Variants in IRAK3 observed in about 807,000 individuals in gnomAD.
IRAK3 encodes interleukin-1 receptor-associated kinase 3.
Under a neutral mutation model 56.6 loss-of-function variants are expected in IRAK3, and 57 were observed. The ratio of observed to expected loss-of-function variants is 1.01; its 90% CI spans 0.81 to 1.26. The LOEUF is 1.26. IRAK3 is among the 50% of genes most tolerant of loss of function. IRAK3 has a pLI of 0.00. For missense variants in IRAK3, 703 were observed against 719.0 expected, an observed-to-expected ratio of 0.98 and a Z score of 0.25; for synonymous variants, 258 against 255.7, an observed-to-expected ratio of 1.01 and a Z score of -0.09.
At chr12:66,194,040 C>T (rs1347707494) in intron 1 of IRAK3, among the ~76,000 whole-genome samples, 2 of 152,142 alleles carry the variant, frequency 1.3e-5, no homozygotes, top group Admixed American at 6.5e-5. Flanking sequence ...TGATCCTTCC[C>T]ACCTCAGACT....
chr12:66,244,686 T>C lies in IRAK3; in HGVS notation c.1086+2T>C, dbSNP rs755980139. On this transcript the variant is annotated splice_donor_variant, in intron 9 of 11. Coordinates refer to ENST00000261233, the MANE Select transcript of IRAK3 (RefSeq NM_007199.3). LOFTEE classifies it high-confidence loss of function. ...ACAGATGTCTACAGCTTTGGAATTG[T>C]GAGTACCAACTGCCAGTTAACAAAG... is the stretch of plus-strand genomic sequence containing the variant. 6.2e-7 allele frequency: 1 copy of C among 1,610,166 alleles called. No homozygotes were observed. Among genetic ancestry groups the C allele is most frequent in the South Asian group, 1.1e-5 (1 of 90,996 alleles).
chr12:66,215,790 A>ACGTGCGCGCGCGCGCGCGCGCGCGCG lies in IRAK3; in HGVS notation c.589-1380_589-1379insGTGCGCGCGCGCGCGCGCGCGCGCGC, dbSNP rs1225435769. On this transcript the variant is annotated intron_variant, in intron 5 of 11. Transcript: ENST00000261233. ...CCCCCTATTTTAACCCAACATGCAC[A>ACGTGCGCGCGCGCGCGCGCGCGCGCG]CACACACACACACACACACACACAC... 3.4e-3 allele frequency among the ~76,000 whole-genome samples: 350 copies of ACGTGCGCGCGCGCGCGCGCGCGCGCG among 103,098 alleles called. 9 individuals are homozygous for ACGTGCGCGCGCGCGCGCGCGCGCGCG. Among genetic ancestry groups the ACGTGCGCGCGCGCGCGCGCGCGCGCG allele is most frequent in the African/African-American group, 0.01 (329 of 32,602 alleles). The allele number at this position is 103,098 out of a possible 152,430, so 67.6% of individuals were successfully genotyped here.
At chr12:66,194,262 T>A (rs2052427992) in intron 1 of IRAK3, among the ~76,000 whole-genome samples, 1 of 152,190 alleles carries the variant, frequency 6.6e-6, no homozygotes, top group South Asian at 2.1e-4. Context: ...TAGACAATGT[T>A]ATGTCTAGCT....
chr12:66,245,529 CTTTTTTTTTTTT>C (rs745553622), intron 11 of IRAK3, among the ~76,000 whole-genome samples: 182 of 75,424 alleles, frequency 2.4e-3, no homozygotes, highest in African/African-American at 4.8e-3. Flanking sequence ...TTTATTCAAT[CTTTTTTTTTTTT>C]TTTTTTTTTT....
At chr12:66,213,156 C>G (rs143573592) in intron 5 of IRAK3, among the ~76,000 whole-genome samples, 1 of 152,130 alleles carries the variant, frequency 6.6e-6, no homozygotes, top group Non-Finnish European at 1.5e-5. Context: ...GCACGCCTTA[C>G]GATGCAGACA....
intron 8 of IRAK3, among the ~76,000 whole-genome samples, chr12:66,242,877 C>T (rs2052985559): frequency 6.6e-6 from 1 of 152,140 alleles, no homozygotes; most frequent in Non-Finnish European, 1.5e-5. Flanking sequence ...AGTTCAAGAC[C>T]AGCCTGGTCA....
At chr12:66,195,823 T>C (rs930448048) in intron 1 of IRAK3, among the ~76,000 whole-genome samples, 1 of 152,036 alleles carries the variant, frequency 6.6e-6, no homozygotes, top group African/African-American at 2.4e-5. Flanking sequence ...ACCAGGCTAA[T>C]TTTTTGTATT....
chr12:66,247,569 T>A, intron 11 of IRAK3, 126 bp from the exon 12 acceptor site: 1 of 698,122 alleles, frequency 1.4e-6, no homozygotes, highest in Non-Finnish European at 2.4e-6. Flanking sequence ...CCCTTCTAAT[T>A]CAAAATTCTA....
chr12:66,189,717 C>G (rs1225382111), intron 1 of IRAK3, among the ~76,000 whole-genome samples: 1 of 152,188 alleles, frequency 6.6e-6, no homozygotes, highest in Non-Finnish European at 1.5e-5. Flanking sequence ...ATCTTCTGTT[C>G]GTCCGCGATG....
chr12:66,236,414 A>T (rs571467189), intron 8 of IRAK3, among the ~76,000 whole-genome samples: 1 of 151,754 alleles, frequency 6.6e-6, no homozygotes, highest in African/African-American at 2.4e-5. Context: ...AAAAAAAAAA[A>T]AAAATTAACC....
At chr12:66,204,285 A>G (rs1006578365) in intron 2 of IRAK3, among the ~76,000 whole-genome samples, 3 of 152,186 alleles carry the variant, frequency 2.0e-5, no homozygotes, top group Non-Finnish European at 2.9e-5. Flanking sequence ...TTGTTTTACT[A>G]TATATTACAA....
chr12:66,238,514 A>G (rs987568877), intron 8 of IRAK3, among the ~76,000 whole-genome samples: 1 of 152,166 alleles, frequency 6.6e-6, no homozygotes, highest in Non-Finnish European at 1.5e-5. Flanking sequence ...TAAGGAATTA[A>G]AGGTCTGGGA....
intron 8 of IRAK3, among the ~76,000 whole-genome samples, chr12:66,242,225 G>A (rs2136951009): frequency 6.6e-6 from 1 of 152,224 alleles, no homozygotes; most frequent in Middle Eastern, 3.4e-3. Flanking sequence ...GGCAATGAAG[G>A]TTGGAGAACC....
intron 1 of IRAK3, among the ~76,000 whole-genome samples, chr12:66,202,848 A>G (rs2052522685): frequency 6.6e-6 from 1 of 151,942 alleles, no homozygotes; most frequent in South Asian, 2.1e-4. Flanking sequence ...AAAGAACACA[A>G]GAGCCAACCA....
At chr12:66,245,031 G>A in intron 10 of IRAK3, 21 bp downstream of exon 10, 1 of 1,613,652 alleles carries the variant, frequency 6.2e-7, no homozygotes, top group Non-Finnish European at 8.5e-7. Flanking sequence ...TTTTCATCCT[G>A]GCACCTATCT....
At chr12:66,189,629 T>C (rs757214512) in intron 1 of IRAK3, among the ~76,000 whole-genome samples, 197 bp downstream of exon 1, 1 of 152,128 alleles carries the variant, frequency 6.6e-6, no homozygotes, top group Non-Finnish European at 1.5e-5. Flanking sequence ...CCCTCCCTTC[T>C]CTTTCAAAGA....
chr12:66,195,573 C>T (rs1456849343), intron 1 of IRAK3, among the ~76,000 whole-genome samples: 5 of 152,180 alleles, frequency 3.3e-5, no homozygotes, highest in Non-Finnish European at 5.9e-5. Flanking sequence ...ACGCAAGGAA[C>T]GTTCTTCCTG....
chr12:66,189,479 C>T, intron 1 of IRAK3, 47 bp downstream of exon 1: 1 of 1,119,642 alleles, frequency 8.9e-7, no homozygotes, highest in Non-Finnish European at 1.1e-6. Flanking sequence ...GCCCAGCGCG[C>T]CGCGGGGCCC....
In IRAK3 at chr12:66,245,081, T is replaced by G. The variant is rs750134589; in HGVS notation, c.1150-17T>G. On this transcript the variant is annotated splice_polypyrimidine_tract_variant and intron_variant, in intron 10 of 11. Transcript: ENST00000261233. ...GATCAAGTTCTCTGTGATAAAATTG[T>G]CTCCCTCTCTTCCAAGCGGGATCTC... 1 of 1,614,074 alleles carries G rather than the reference T, an allele frequency of 6.2e-7. No homozygotes were observed. The highest frequency in any genetic ancestry group is 1.1e-5 in the South Asian group (1 of 91,080).
Sources: gnomAD v4.1 joint callset for allele counts (sites outside exome capture counted in the v4.1 genomes callset) on GRCh38, gnomAD v4.1.1 for gene constraint, MANE v1.5 for transcripts, NCBI Gene and HGNC (gene_info 2026-07-23, HGNC 2026-07-21) for gene names.